Variants in ITGA8 observed in about 807,000 individuals in gnomAD.
The protein encoded by ITGA8 is integrin subunit alpha 8.
Under a neutral mutation model 142.3 loss-of-function variants are expected in ITGA8, and 91 were observed. That is an observed-to-expected ratio of 0.64 (90% CI 0.54 to 0.76). ITGA8 has a LOEUF of 0.76. ITGA8 is among the 30% of genes least tolerant of loss of function. The pLI, the probability that ITGA8 is intolerant of heterozygous loss-of-function variation, is 0.00. For synonymous variants in ITGA8, 505 were observed against 485.2 expected (o/e 1.04, Z -0.54); for missense variants, 1,406 against 1,327.7 (o/e 1.06, Z -0.92).
At chr10:15,616,007 A>C (rs1833385133) in intron 14 of ITGA8, among the ~76,000 whole-genome samples, 1 of 152,230 alleles carries the variant, frequency 6.6e-6, no homozygotes, top group African/African-American at 2.4e-5. Flanking sequence ...CAAGATTACA[A>C]ATAAGTCAGT....
At chr10:15,567,305 A>G (rs914677817) in intron 25 of ITGA8, among the ~76,000 whole-genome samples, 4 of 152,224 alleles carry the variant, frequency 2.6e-5, no homozygotes, top group Non-Finnish European at 4.4e-5. Flanking sequence ...GATAAAGCCC[A>G]TCAAATAAGA....
chr10:15,641,816 A>C (rs577350579), intron 13 of ITGA8, among the ~76,000 whole-genome samples: 8 of 152,334 alleles, frequency 5.3e-5, no homozygotes, highest in Non-Finnish European at 1.2e-4. Context: ...ATTTCTGATT[A>C]AGGGAAGAAA....
At chr10:15,696,734 T>G (rs957812996) in intron 2 of ITGA8, among the ~76,000 whole-genome samples, 7 of 152,040 alleles carry the variant, frequency 4.6e-5, no homozygotes, top group Admixed American at 6.6e-5. Flanking sequence ...GGCTCATGCC[T>G]GTAATCCCAG....
At chr10:15,588,845 C>T (rs1472241617) in intron 22 of ITGA8, among the ~76,000 whole-genome samples, 2 of 152,186 alleles carry the variant, frequency 1.3e-5, no homozygotes, top group Non-Finnish European at 2.9e-5. Context: ...TTTTGAAATG[C>T]AGCAGGAACA....
At chr10:15,524,720 C>T (rs563902494) in intron 28 of ITGA8, among the ~76,000 whole-genome samples, 1 of 152,330 alleles carries the variant, frequency 6.6e-6, no homozygotes, top group East Asian at 1.9e-4. Flanking sequence ...TAACTGATCA[C>T]TTTTACAGGA....
intron 20 of ITGA8, among the ~76,000 whole-genome samples, chr10:15,603,661 G>T (rs566008256): frequency 6.6e-6 from 1 of 152,328 alleles, no homozygotes; most frequent in East Asian, 1.9e-4. Context: ...TAGTGGCATT[G>T]AGGAATGGCA....
chr10:15,682,556 A>C (rs1209432996), intron 4 of ITGA8, among the ~76,000 whole-genome samples: 1 of 152,190 alleles, frequency 6.6e-6, no homozygotes, highest in African/African-American at 2.4e-5. Context: ...ACTAAAAGCC[A>C]TCAGGTTAAA....
intron 23 of ITGA8, among the ~76,000 whole-genome samples, chr10:15,586,100 C>A (rs1433231540): frequency 7.1e-6 from 1 of 140,884 alleles, no homozygotes; most frequent in Admixed American, 7.4e-5. Context: ...CTCTTGTCAC[C>A]CAGGCTGGAG....
chr10:15,692,182 C>T (rs1003129013), intron 2 of ITGA8, among the ~76,000 whole-genome samples: 13 of 152,054 alleles, frequency 8.5e-5, no homozygotes, highest in African/African-American at 3.1e-4. Flanking sequence ...ATCTTCCCAC[C>T]TTGGCCTCCC....
chr10:15,635,385 T>A (rs1279902817), intron 13 of ITGA8, among the ~76,000 whole-genome samples: 1 of 152,162 alleles, frequency 6.6e-6, no homozygotes, highest in African/African-American at 2.4e-5. Context: ...GAAATCTAGA[T>A]CTGGGATGAT....
intron 27 of ITGA8, among the ~76,000 whole-genome samples, chr10:15,532,840 G>A (rs1833339034): frequency 6.6e-6 from 1 of 151,912 alleles, no homozygotes; most frequent in South Asian, 2.1e-4. Flanking sequence ...CTAAAAAAAA[G>A]GTAATAAATA....
intron 4 of ITGA8, among the ~76,000 whole-genome samples, chr10:15,679,716 A>G (rs986111633): frequency 6.6e-6 from 1 of 152,224 alleles, no homozygotes; most frequent in African/African-American, 2.4e-5. Context: ...GTAGTGGCTT[A>G]TCTTGCTTTC....
intron 25 of ITGA8, among the ~76,000 whole-genome samples, chr10:15,562,040 C>T (rs1276432924): frequency 1.3e-5 from 2 of 152,184 alleles, no homozygotes; most frequent in African/African-American, 4.8e-5. Context: ...ACGAGAAAAG[C>T]ATGGCTGAAA....
At chr10:15,535,080 C>T in intron 27 of ITGA8, among the ~76,000 whole-genome samples, 1 of 152,166 alleles carries the variant, frequency 6.6e-6, no homozygotes, top group Non-Finnish European at 1.5e-5. Context: ...AGCACCCGGG[C>T]CAGCGGCTGC....
intron 4 of ITGA8, among the ~76,000 whole-genome samples, chr10:15,679,025 T>A (rs139940556): frequency 6.6e-6 from 1 of 152,358 alleles, no homozygotes; most frequent in African/African-American, 2.4e-5. Flanking sequence ...ACATCCCTTT[T>A]GGCTACTCTA....
chr10:15,703,562 A>G (rs1284834508), intron 2 of ITGA8, among the ~76,000 whole-genome samples: 8 of 152,270 alleles, frequency 5.3e-5, no homozygotes, highest in Non-Finnish European at 1.2e-4. Context: ...ATGATAAGTT[A>G]TCTGTGCCAG....
At chr10:15,596,171 C>T (rs1833008706) in intron 21 of ITGA8, among the ~76,000 whole-genome samples, 1 of 152,192 alleles carries the variant, frequency 6.6e-6, no homozygotes, top group Non-Finnish European at 1.5e-5. Flanking sequence ...GTAAACATCC[C>T]ATTCTCTCTT....
At chr10:15,610,715 G>T (rs919128184) in intron 15 of ITGA8, among the ~76,000 whole-genome samples, 1 of 152,104 alleles carries the variant, frequency 6.6e-6, no homozygotes, top group African/African-American at 2.4e-5. Context: ...AGATAAATGT[G>T]AAACACGATT....
At chr10:15,689,037 A>C (rs1453283571) in intron 2 of ITGA8, among the ~76,000 whole-genome samples, 1 of 152,230 alleles carries the variant, frequency 6.6e-6, no homozygotes, top group Non-Finnish European at 1.5e-5. Context: ...CAAATCAGAA[A>C]AGAAGGTAAA....
Sources: gnomAD v4.1 joint callset for allele counts (sites outside exome capture counted in the v4.1 genomes callset) on GRCh38, gnomAD v4.1.1 for gene constraint, MANE v1.5 for transcripts, NCBI Gene and HGNC (gene_info 2026-07-23, HGNC 2026-07-21) for gene names.